DDR1: variants seen among roughly 807,000 people sequenced by gnomAD.
The protein encoded by DDR1 is discoidin domain receptor tyrosine kinase 1, also known as epithelial discoidin domain-containing receptor 1.
Under a neutral mutation model 97.4 loss-of-function variants are expected in DDR1, and 64 were observed. The observed-to-expected ratio is 0.66, with a 90% CI of 0.54 to 0.81. The LOEUF (loss-of-function observed/expected upper bound fraction) is 0.81, where lower values mean the gene tolerates loss of function less well. Among genes scored for constraint, DDR1 ranks in the 30% least tolerant of loss-of-function variants. The pLI is 0.00. For missense variants in DDR1, 990 were observed against 1,259.6 expected, an observed-to-expected ratio of 0.79 and a Z score of 3.24; for synonymous variants, 458 against 503.7, an observed-to-expected ratio of 0.91 and a Z score of 1.21.
At chr6:30,885,964 G>T (rs552037297) in intron 1 of DDR1, among the ~76,000 whole-genome samples, 4 of 152,204 alleles carry the variant, frequency 2.6e-5, no homozygotes, top group South Asian at 2.1e-4. Flanking sequence ...GGAAGGGGGT[G>T]GGATTGGGGA....
In DDR1 at chr6:30,891,060, C is replaced by G. The variant is rs1022417101; in HGVS notation, c.505C>G (p.Arg169Gly). 6.2e-7 allele frequency: 1 copy of G among 1,613,064 alleles called. No individual in the cohort carries two copies. Among genetic ancestry groups the G allele is most frequent in the Non-Finnish European group, 8.5e-7 (1 of 1,180,030 alleles). Residue 169 changes from arginine to glycine, a missense_variant, in exon 5 of 18, where the codon CGG becomes GGG. Coordinates refer to ENST00000376568, the MANE Select transcript of DDR1 (RefSeq NM_001297654.2). This position sits in a 1 kb window ranked among gnomAD's most constrained non-coding sequence, Gnocchi z 5.3. Reference sequence around the variant, plus strand: ...TGCCCGACTGGTTCGCTTCTACCCCCGGGCTGACCGGGTCATGAGCGTCTG... The same window carrying G: ...TGCCCGACTGGTTCGCTTCTACCCCGGGGCTGACCGGGTCATGAGCGTCTG... ...MVARLVRFYP[R>G]ADRVMSVCLR...
chr6:30,897,095 C>T lies in DDR1; in HGVS notation c.1951C>T (p.Leu651=), dbSNP rs1265014866. ...TAATGTGCGTAAGGGACACCCTTTGCTGGTAGCTGTCAAGATCTTACGGCC... is the reference window on the plus strand; with the variant it reads ...TAATGTGCGTAAGGGACACCCTTTGTTGGTAGCTGTCAAGATCTTACGGCC... ...PLNVRKGHPL[L]VAVKILRPDA... is the part of the protein sequence containing the mutation. Residue 651 remains leucine, a synonymous_variant, in exon 14 of 18, where the codon CTG becomes TTG. Transcript: ENST00000376568. This position sits in a 1 kb window ranked among gnomAD's most constrained non-coding sequence, Gnocchi z 5.2. 1 of 1,613,908 alleles carries T rather than the reference C, an allele frequency of 6.2e-7. No individual in the cohort carries two copies. Among genetic ancestry groups the T allele is most frequent in the East Asian group, 2.2e-5 (1 of 44,874 alleles).
rs2150489201 is a variant in DDR1 at position 30,899,322 on chromosome 6, C to T, written c.*26C>T. ...ATCACACATCCAGCTGCCCCTCCCT[C>T]AGGGAGCGATCCAGGGGAAGCCAGT... is the stretch of plus-strand genomic sequence containing the variant. On this transcript the variant is annotated 3_prime_UTR_variant, in exon 18 of 18. Transcript: ENST00000376568. 6.3e-7 allele frequency: 1 copy of T among 1,594,240 alleles called. No homozygotes were observed. The highest frequency in any genetic ancestry group is 1.3e-5 in the African/African-American group (1 of 74,710).
Position 30,898,993 on chromosome 6 carries a change from G to C in DDR1, c.2557G>C (p.Val853Leu). 1 of 1,614,084 alleles carries C rather than the reference G, an allele frequency of 6.2e-7. No homozygotes were observed. Among genetic ancestry groups the C allele is most frequent in the Admixed American group, 1.7e-5 (1 of 60,012 alleles). Residue 853 changes from valine to leucine, a missense_variant, in exon 17 of 18, where the codon GTC becomes CTC. Coordinates refer to ENST00000376568, the MANE Select transcript of DDR1 (RefSeq NM_001297654.2). ...CTTTGGGCAGCTCACCGACGAGCAG[G>C]TCATCGAGAACGCGGGGGAGTTCTT... ...QPFGQLTDEQ[V>L]IENAGEFFRD... is the part of the protein sequence containing the mutation.
At chr6:30,898,835 G>T (rs1791897411) in intron 16 of DDR1, 53 bp from the exon 17 acceptor site, 2 of 1,566,158 alleles carry the variant, frequency 1.3e-6, no homozygotes, top group Non-Finnish European at 1.7e-6. Context: ...AGGGAGGAGG[G>T]TCTACGTTGC....
rs971541160 is a variant in DDR1 at position 30,886,012 on chromosome 6, T to A, written c.-43+1302T>A. Among the ~76,000 whole-genome samples, 2 of 152,140 alleles carry A rather than the reference T, an allele frequency of 1.3e-5. No individual in the cohort carries two copies. The highest frequency in any genetic ancestry group is 4.8e-5 in the African/African-American group (2 of 41,422). ...CTTGTCCTCTCTTGCCCTCTGGGTCTCTGACTGTGGACTGAAGACCCAGTG... is the reference window on the plus strand; with the variant it reads ...CTTGTCCTCTCTTGCCCTCTGGGTCACTGACTGTGGACTGAAGACCCAGTG... On this transcript the variant is annotated intron_variant, in intron 1 of 17. Coordinates refer to ENST00000376568, the MANE Select transcript of DDR1 (RefSeq NM_001297654.2). This position sits in a 1 kb window ranked among gnomAD's most constrained non-coding sequence, Gnocchi z 4.6.
chr6:30,887,615 CTT>C (rs1341773811), intron 1 of DDR1, among the ~76,000 whole-genome samples: 2 of 152,114 alleles, frequency 1.3e-5, no homozygotes, highest in Non-Finnish European at 1.5e-5. Context: ...TATATTGCCT[CTT>C]TGTTACTTTT....
rs748501405 is a variant in DDR1 at position 30,892,183 on chromosome 6, A to G, written c.847A>G (p.Met283Val). 4.9e-5 allele frequency: 79 copies of G among 1,613,986 alleles called. No individual in the cohort carries two copies. Among genetic ancestry groups the G allele is most frequent in the Non-Finnish European group, 6.5e-5 (77 of 1,179,958 alleles). Reference sequence around the variant, plus strand: ...TGACCGGCTGAGGGCCTTCCAGGCTATGCAGGTGAGTGAGTCCGGCTCTCG... The same window carrying G: ...TGACCGGCTGAGGGCCTTCCAGGCTGTGCAGGTGAGTGAGTCCGGCTCTCG... Reference protein sequence around the residue: ...EFDRLRAFQAMQVHCNNMHTL... With the variant: ...EFDRLRAFQAVQVHCNNMHTL... The change falls in exon 7 of 18, where the codon ATG (methionine) becomes GTG (valine). Residue 283 changes from methionine to valine, a missense_variant. By Grantham distance (21) the Met-to-Val change is conservative. Transcript: ENST00000376568.
chr6:30,881,916 C>T (rs556344525), upstream of DDR1: 1 of 153,242 alleles, frequency 6.5e-6, no homozygotes, highest in South Asian at 2.1e-4. Context: ...GCTGTTTCAT[C>T]TCTCTCCCAG....
chr6:30,888,609 C>G lies in DDR1; in HGVS notation c.-42-79C>G. ...TGTTTTACTGTTATTATCCCCAAAG[C>G]GGCCCATTCTGTCTGTTGCTGTCAG... On this transcript the variant is annotated intron_variant, in intron 1 of 17. Transcript: ENST00000376568. The surrounding 1 kb of genome is among the most constrained non-coding windows in gnomAD (Gnocchi z 4.2). The G allele has an allele frequency of 6.9e-7, 1 of 1,454,084 alleles. No individual in the cohort carries two copies. Among genetic ancestry groups the G allele is most frequent in the Non-Finnish European group, 9.3e-7 (1 of 1,079,280 alleles). 90.1% of individuals were successfully genotyped at this position (1,454,084 alleles called of 1,614,324 possible). A position where few individuals can be genotyped will look rare whatever the true frequency, so the allele number is the denominator to read the frequency against.
At position 30,893,177 on chromosome 6, in the gene DDR1, G is replaced by C. The variant is rs764268212; in HGVS notation, c.1195+14G>C. On this transcript the variant is annotated intron_variant, in intron 9 of 17. Coordinates refer to ENST00000376568, the MANE Select transcript of DDR1 (RefSeq NM_001297654.2). Reference sequence around the variant, plus strand: ...TCAGCAGCTTGGGTGAGCAATCTTGGGTGGGCGTGTGGACCCTCTGCACCC... The same window carrying C: ...TCAGCAGCTTGGGTGAGCAATCTTGCGTGGGCGTGTGGACCCTCTGCACCC... The C allele has an allele frequency of 9.3e-6, 15 of 1,604,806 alleles. No homozygotes were observed. In the Admixed American group the frequency reaches 1.0e-4, roughly 11 times the overall value.
At chr6:30,887,732 A>C (rs764373562) in intron 1 of DDR1, among the ~76,000 whole-genome samples, 1 of 152,172 alleles carries the variant, frequency 6.6e-6, no homozygotes, top group Non-Finnish European at 1.5e-5. Flanking sequence ...AGGTACCATA[A>C]TAAACATCTT....
At position 30,889,205 on chromosome 6, in the gene DDR1, G is replaced by A; in HGVS notation, c.192G>A (p.Leu64=). The A allele has an allele frequency of 1.2e-6, 2 of 1,613,030 alleles. No individual in the cohort carries two copies. Among genetic ancestry groups the A allele is most frequent in the Non-Finnish European group, 1.7e-6 (2 of 1,179,996 alleles). The change falls in exon 4 of 18, where the codon TTG becomes TTA. Residue 64 remains leucine, a synonymous_variant. Coordinates refer to ENST00000376568, the MANE Select transcript of DDR1 (RefSeq NM_001297654.2). The surrounding 1 kb of genome is among the most constrained non-coding windows in gnomAD (Gnocchi z 4.9). The part of the protein sequence containing the change: ...SDSTAARHSR[L]ESSDGDGAWC... ...CTGTGCCCCTCTTCACCCTCAGGTT[G>A]GAGAGCAGTGACGGGGATGGGGCCT...
intron 12 of DDR1, 64 bp downstream of exon 12, chr6:30,895,578 C>A: frequency 1.9e-6 from 2 of 1,053,352 alleles, no homozygotes; most frequent in Non-Finnish European, 2.8e-6. Flanking sequence ...AGGGAAAAGC[C>A]CTCACACCTT....
Position 30,886,223 on chromosome 6 carries a change from C to T in DDR1, c.-43+1513C>T, listed in dbSNP as rs1193286647. On this transcript the variant is annotated intron_variant, in intron 1 of 17. Coordinates refer to ENST00000376568, the MANE Select transcript of DDR1 (RefSeq NM_001297654.2). This position sits in a 1 kb window ranked among gnomAD's most constrained non-coding sequence, Gnocchi z 4.6. The stretch of plus-strand genomic sequence containing the variant: ...TCTGCCTGCCTTTGTATCTCTGCCC[C>T]GGGCTCCTCTCGGCTCTGTGTGGCT... Among the ~76,000 whole-genome samples, 1 of 152,070 alleles carries T rather than the reference C, an allele frequency of 6.6e-6. No homozygotes were observed. Among genetic ancestry groups the T allele is most frequent in the Non-Finnish European group, 1.5e-5 (1 of 68,014 alleles).
At position 30,888,573 on chromosome 6, in the gene DDR1, A is replaced by G; in HGVS notation, c.-42-115A>G. ...ATATAGCTGATGCTGTTAAACAATG[A>G]CTGTTGTTGTTGTTTTACTGTTATT... On this transcript the variant is annotated intron_variant, in intron 1 of 17. Transcript: ENST00000376568. This position sits in a 1 kb window ranked among gnomAD's most constrained non-coding sequence, Gnocchi z 4.2. 1 of 1,174,944 alleles carries G rather than the reference A, an allele frequency of 8.5e-7. No homozygotes were observed. The highest frequency in any genetic ancestry group is 1.2e-6 in the Non-Finnish European group (1 of 846,384). 72.8% of individuals were successfully genotyped at this position (1,174,944 alleles called of 1,614,324 possible).
intron 12 of DDR1, among the ~76,000 whole-genome samples, chr6:30,896,131 G>T (rs1019741238): frequency 6.6e-6 from 1 of 151,536 alleles, no homozygotes; most frequent in African/African-American, 2.4e-5. Flanking sequence ...TGAGCTTGGT[G>T]TGTTGGGTTG....
Position 30,889,346 on chromosome 6 carries a change from C to A in DDR1, c.333C>A (p.Gly111=), listed in dbSNP as rs1235652380. ...GTQGRHAGGL[G]KEFSRSYRLR... is the part of the protein sequence containing the mutation. The stretch of plus-strand genomic sequence containing the variant: ...AGGGACGGCATGCCGGGGGCCTGGG[C>A]AAGGAGTTCTCCCGGAGCTACCGGC... Residue 111 remains glycine (G), a synonymous_variant, in exon 4 of 18, where the codon GGC becomes GGA. Transcript: ENST00000376568. The surrounding 1 kb of genome is among the most constrained non-coding windows in gnomAD (Gnocchi z 4.9). 3 of 1,611,580 alleles carry A rather than the reference C, an allele frequency of 1.9e-6. No individual in the cohort carries two copies. Among genetic ancestry groups the A allele is most frequent in the African/African-American group, 2.7e-5 (2 of 75,022 alleles).
intron 1 of DDR1, among the ~76,000 whole-genome samples, chr6:30,887,798 C>T (rs1786445997): frequency 6.6e-6 from 1 of 152,084 alleles, no homozygotes. Context: ...TGGGGTCTCA[C>T]TATGTTCACC....
Sources: allele counts gnomAD v4.1 joint callset (sites outside exome capture counted in the v4.1 genomes callset), GRCh38; gene constraint gnomAD v4.1.1; non-coding constraint Gnocchi (gnomAD v3.1); transcripts MANE v1.5; gene names NCBI Gene and HGNC (gene_info 2026-07-23, HGNC 2026-07-21).